The following DPP10 variants were observed in gnomAD, a reference collection of about 807,000 sequenced individuals.
DPP10 encodes the protein dipeptidyl peptidase like 10, also known as inactive dipeptidyl peptidase 10.
Under a neutral mutation model 120.9 loss-of-function variants are expected in DPP10, and 33 were observed. The ratio of observed to expected loss-of-function variants is 0.27; its 90% CI spans 0.21 to 0.37. The LOEUF is 0.37. Ranked by LOEUF, DPP10 falls within the 10% of genes least tolerant of loss-of-function variation. The probability of loss-of-function intolerance (pLI) is 1.00; values close to 1 mark genes in which losing one functional copy is unlikely to be tolerated. For missense variants in DPP10, 816 were observed against 942.8 expected (o/e 0.87, Z 1.76); for synonymous variants, 337 against 326.1 (o/e 1.03, Z -0.36).
intron 1 of DPP10, among the ~76,000 whole-genome samples, chr2:114,722,461 C>A (rs1049254917): frequency 6.6e-6 from 1 of 151,802 alleles, no homozygotes. Context: ...GTATCCAAAC[C>A]ATTAGAAAAA....
intron 3 of DPP10, among the ~76,000 whole-genome samples, chr2:115,400,326 A>AT (rs1574714162): frequency 6.6e-6 from 1 of 152,116 alleles, no homozygotes; most frequent in Non-Finnish European, 1.5e-5. Context: ...TTCAGATTAA[A>AT]TTTTTTTAGG....
chr2:115,731,968 G>C (rs1013946361), intron 8 of DPP10, among the ~76,000 whole-genome samples: 1 of 152,130 alleles, frequency 6.6e-6, no homozygotes, highest in Non-Finnish European at 1.5e-5. Context: ...CTATCACCTT[G>C]CTTGTGGAAT....
chr2:114,770,276 AC>A (rs1681132793), intron 1 of DPP10, among the ~76,000 whole-genome samples: 1 of 152,142 alleles, frequency 6.6e-6, no homozygotes, highest in Non-Finnish European at 1.5e-5. Flanking sequence ...GGGACCTCAT[AC>A]CTCTAGAAGG....
Position 114,726,015 on chromosome 2 carries a change from G to A in DPP10, c.60+283177G>A, listed in dbSNP as rs557498658. On this transcript the variant is annotated intron_variant, in intron 1 of 25. Transcript: ENST00000410059. ...TGGGAGGCCGAGGCGGGCAGATCAC[G>A]AGGTCAGGAGATCGAGACCATCCTG... 3.4e-4 allele frequency among the ~76,000 whole-genome samples: 52 copies of A among 152,156 alleles called. No homozygotes were observed. In the East Asian group the frequency reaches 6.6e-3, roughly 19 times the overall value.
intron 1 of DPP10, among the ~76,000 whole-genome samples, chr2:115,106,999 C>T (rs1362462077): frequency 1.3e-5 from 2 of 151,054 alleles, no homozygotes; most frequent in Admixed American, 6.6e-5. Flanking sequence ...GACGTGAACC[C>T]GGGAGGCGGA....
intron 3 of DPP10, among the ~76,000 whole-genome samples, chr2:115,496,167 A>G (rs2076385598): frequency 6.6e-6 from 1 of 152,136 alleles, no homozygotes; most frequent in Non-Finnish European, 1.5e-5. Context: ...GAAATCCAGA[A>G]GACCAGATTA....
intron 19 of DPP10, among the ~76,000 whole-genome samples, chr2:115,806,352 C>G (rs988717834): frequency 6.6e-6 from 1 of 152,108 alleles, no homozygotes; most frequent in African/African-American, 2.4e-5. Flanking sequence ...CGCTATATGT[C>G]GGTTTACTAA....
chr2:114,990,393 A>G (rs1700687594), intron 1 of DPP10, among the ~76,000 whole-genome samples: 1 of 146,626 alleles, frequency 6.8e-6, no homozygotes, highest in African/African-American at 2.5e-5. Flanking sequence ...CTATCTATCT[A>G]TCTATTATCT....
chr2:114,890,568 A>G (rs1692459802), intron 1 of DPP10, among the ~76,000 whole-genome samples: 1 of 152,222 alleles, frequency 6.6e-6, no homozygotes, highest in South Asian at 2.1e-4. Context: ...TTTTTATAAA[A>G]ATAGACTAGA....
chr2:114,997,068 A>C (rs1701135475), intron 1 of DPP10, among the ~76,000 whole-genome samples: 1 of 151,864 alleles, frequency 6.6e-6, no homozygotes, highest in African/African-American at 2.4e-5. Flanking sequence ...ATGCCTCACT[A>C]GATTATGTTA....
intron 2 of DPP10, 31 bp from the exon 3 acceptor site, chr2:115,343,786 G>T: frequency 1.3e-6 from 2 of 1,492,580 alleles, no homozygotes; most frequent in Admixed American, 1.8e-5. Context: ...GCATAAGATA[G>T]GCATCTAACC....
chr2:115,346,517 G>A (rs1456378429), intron 3 of DPP10, among the ~76,000 whole-genome samples: 1 of 152,140 alleles, frequency 6.6e-6, no homozygotes, highest in African/African-American at 2.4e-5. Flanking sequence ...TATCATTGCA[G>A]TCTTGGATGG....
At chr2:115,099,617 G>A (rs1236817509) in intron 1 of DPP10, among the ~76,000 whole-genome samples, 2 of 152,154 alleles carry the variant, frequency 1.3e-5, no homozygotes, top group Admixed American at 6.5e-5. Flanking sequence ...AGTGAGCTAT[G>A]AGTCACTGGA....
At chr2:115,799,982 T>C (rs1684996008) in intron 19 of DPP10, among the ~76,000 whole-genome samples, 1 of 151,892 alleles carries the variant, frequency 6.6e-6, no homozygotes, top group African/African-American at 2.4e-5. Context: ...ATGGTATTTC[T>C]AGTTCTAGAT....
At chr2:115,378,183 G>T (rs534365412) in intron 3 of DPP10, among the ~76,000 whole-genome samples, 139 of 152,264 alleles carry the variant, frequency 9.1e-4, no homozygotes, top group Non-Finnish European at 1.1e-3. Context: ...TCCTACCCAT[G>T]AGCATGGAAT....
chr2:115,582,852 T>C (rs1343241983), intron 5 of DPP10, among the ~76,000 whole-genome samples: 1 of 152,224 alleles, frequency 6.6e-6, no homozygotes, highest in African/African-American at 2.4e-5. Context: ...TTCTCTTGAA[T>C]GCAAGTCTGT....
At chr2:115,370,000 A>G (rs531214571) in intron 3 of DPP10, among the ~76,000 whole-genome samples, 42 of 152,246 alleles carry the variant, frequency 2.8e-4, no homozygotes, top group African/African-American at 8.7e-4. Context: ...TTCTAAAGAC[A>G]TGTCTGTGGA....
At chr2:114,532,256 C>T (rs989818132) in intron 1 of DPP10, among the ~76,000 whole-genome samples, 1 of 86,286 alleles carries the variant, frequency 1.2e-5, no homozygotes, top group Admixed American at 1.3e-4. Context: ...AATAAATCTC[C>T]ATATATATAT....
Position 115,009,493 on chromosome 2 carries a change from G to A in DPP10, c.61-299746G>A, listed in dbSNP as rs563149040. 3.4e-3 allele frequency among the ~76,000 whole-genome samples: 521 copies of A among 152,024 alleles called. 1 individual carries two copies. The highest frequency in any genetic ancestry group is 0.012 in the African/African-American group (483 of 41,458). On this transcript the variant is annotated intron_variant, in intron 1 of 25. Transcript: ENST00000410059. ...ACCTAATGCTAGATGACGAGTTAGT[G>A]GGTGCAGCACACCAGCATGGCCCAT...
Sources: allele counts gnomAD v4.1 joint callset (sites outside exome capture counted in the v4.1 genomes callset), GRCh38; gene constraint gnomAD v4.1.1; transcripts MANE v1.5; gene names NCBI Gene and HGNC (gene_info 2026-07-23, HGNC 2026-07-21).